Variants in NFIB observed in about 807,000 individuals in gnomAD.
NFIB encodes nuclear factor I B.
NFIB carries 11 observed loss-of-function variants against 61.5 expected under a neutral mutation model. That is an observed-to-expected ratio of 0.18 (90% confidence interval 0.11 to 0.30). NFIB has a LOEUF of 0.30. Ranked by LOEUF, NFIB falls within the 10% of genes least tolerant of loss-of-function variation. The pLI is 1.00. For missense variants in NFIB, 471 were observed against 608.9 expected, an observed-to-expected ratio of 0.77 and a Z score of 2.38; for synonymous variants, 260 against 216.5, an observed-to-expected ratio of 1.20 and a Z score of -1.76.
In NFIB at chr9:14,085,671, A is replaced by G. The variant is rs1269603726; in HGVS notation, c.*2638T>C. 5.5e-5 allele frequency: 12 copies of G among 220,176 alleles called. No individual in the cohort carries two copies. In the Admixed American group the frequency reaches 7.0e-4, roughly 13 times the overall value. The allele number at this position is 220,176 out of a possible 1,614,324, so 13.6% of individuals were successfully genotyped here. A position where few individuals can be genotyped will look rare whatever the true frequency, so the allele number is the denominator to read the frequency against. Reference sequence around the variant, plus strand: ...CAGTCCAAATACATTCAACAATAGCAACCCTCTGTTCAATCTTCTGGATAT... The same window carrying G: ...CAGTCCAAATACATTCAACAATAGCGACCCTCTGTTCAATCTTCTGGATAT... On this transcript the variant is annotated 3_prime_UTR_variant, in exon 11 of 11. Transcript: ENST00000380953.
chr9:14,438,251 G>C, the NFIB span, among the ~76,000 whole-genome samples: 3 of 152,142 alleles, frequency 2.0e-5, no homozygotes, highest in Admixed American at 6.5e-5. Context: ...TGAAAGCAGA[G>C]GAAGCCCAAG....
chr9:14,358,618 T>C (rs2061204240), intron 1 of NFIB, among the ~76,000 whole-genome samples: 3 of 152,186 alleles, frequency 2.0e-5, no homozygotes, highest in Admixed American at 6.5e-5. Context: ...ACTTTCTCCT[T>C]CTTTAGGTAG....
Position 14,295,496 on chromosome 9 carries a change from G to T in NFIB, c.562+11493C>A, listed in dbSNP as rs572616254. On this transcript the variant is annotated intron_variant, in intron 2 of 10. Coordinates refer to ENST00000380953, the MANE Select transcript of NFIB (RefSeq NM_001190737.2). ...AAAAAAAAAACTCAGCCGGGCGTGG[G>T]GAAGGGCGCCTGTAGTCCCAGCTAC... Among the ~76,000 whole-genome samples, 154 of 152,096 alleles carry T rather than the reference G, an allele frequency of 1.0e-3. 1 individual carries two copies. The East Asian group carries it at 0.014, about 14-fold the overall frequency.
intron 2 of NFIB, among the ~76,000 whole-genome samples, chr9:14,227,587 C>A (rs369395877): frequency 6.6e-6 from 1 of 152,068 alleles, no homozygotes; most frequent in Non-Finnish European, 1.5e-5. Flanking sequence ...AAATTTACAA[C>A]GGTACTGTAA....
At position 14,120,981 on chromosome 9, in the gene NFIB, G is replaced by GT. The variant is rs2038852752; in HGVS notation, c.1061-358_1061-357insA. Among the ~76,000 whole-genome samples the GT allele has an allele frequency of 6.6e-6, 1 of 152,170 alleles. No homozygotes were observed. Among genetic ancestry groups the GT allele is most frequent in the African/African-American group, 2.4e-5 (1 of 41,432 alleles). ...ATATTCTTTGATTATAAAATCTTTA[G>GT]GCCGGGTGCAGTAGCTCACACCTGT... On this transcript the variant is annotated intron_variant, in intron 7 of 10. Coordinates refer to ENST00000380953, the MANE Select transcript of NFIB (RefSeq NM_001190737.2). The surrounding 1 kb of genome is among the most constrained non-coding windows in gnomAD (Gnocchi z 4.4).
chr9:14,108,645 G>A (rs1234161060), intron 10 of NFIB, among the ~76,000 whole-genome samples: 1 of 152,024 alleles, frequency 6.6e-6, no homozygotes, highest in African/African-American at 2.4e-5. Flanking sequence ...GCAACTGTGA[G>A]AAGTAATGCA....
intron 3 of NFIB, among the ~76,000 whole-genome samples, chr9:14,162,477 G>C (rs2044313253): frequency 6.6e-6 from 1 of 151,870 alleles, no homozygotes; most frequent in African/African-American, 2.4e-5. Context: ...ATTTACTGTT[G>C]AACTGGTTGG....
At chr9:14,201,525 G>A (rs1231460445) in intron 2 of NFIB, among the ~76,000 whole-genome samples, 3 of 152,188 alleles carry the variant, frequency 2.0e-5, no homozygotes, top group African/African-American at 7.2e-5. Flanking sequence ...AATTTCGTCT[G>A]TTACAACCTT....
chr9:14,293,748 C>A lies in NFIB; in HGVS notation c.562+13241G>T, dbSNP rs1428191064. ...GAGCCACAAGTTCACAAGATATTAA[C>A]ACAAACTCCTGGATATTAGATTGAA... On this transcript the variant is annotated intron_variant, in intron 2 of 10. Transcript: ENST00000380953. 2.0e-5 allele frequency among the ~76,000 whole-genome samples: 3 copies of A among 152,158 alleles called. 1 individual carries two copies. In the East Asian group the frequency reaches 5.8e-4, roughly 29 times the overall value.
chr9:14,528,666 G>C, the NFIB span, among the ~76,000 whole-genome samples: 1 of 152,068 alleles, frequency 6.6e-6, no homozygotes, highest in Non-Finnish European at 1.5e-5. Context: ...ATGAAAGTTG[G>C]AGAAAAAAAT....
chr9:14,129,799 A>T (rs899889679), intron 6 of NFIB, among the ~76,000 whole-genome samples: 7 of 152,202 alleles, frequency 4.6e-5, no homozygotes, highest in Admixed American at 1.3e-4. Context: ...AATAATGCAT[A>T]AATATATAAT....
the NFIB span, among the ~76,000 whole-genome samples, chr9:14,462,589 G>A: frequency 1.3e-5 from 2 of 152,014 alleles, no homozygotes; most frequent in Non-Finnish European, 2.9e-5. Context: ...GCCACCGTAT[G>A]GTATTCTTGA....
At chr9:14,360,218 C>T (rs2061222517) in intron 1 of NFIB, among the ~76,000 whole-genome samples, 1 of 152,224 alleles carries the variant, frequency 6.6e-6, no homozygotes, top group African/African-American at 2.4e-5. Context: ...TTAAGCCCAA[C>T]CCTTATCTAA....
At chr9:14,175,939 T>C (rs1012171847) in intron 3 of NFIB, among the ~76,000 whole-genome samples, 5 of 152,224 alleles carry the variant, frequency 3.3e-5, no homozygotes, top group African/African-American at 9.7e-5. Context: ...GAATTCTAGA[T>C]TGCTATGTTT....
chr9:14,136,093 T>C (rs1388858024), intron 6 of NFIB, among the ~76,000 whole-genome samples: 1 of 152,142 alleles, frequency 6.6e-6, no homozygotes, highest in African/African-American at 2.4e-5. Flanking sequence ...AGCTCACAAA[T>C]GTCTTCCAGA....
the NFIB span, among the ~76,000 whole-genome samples, chr9:14,527,695 GT>G: frequency 6.6e-6 from 1 of 152,046 alleles, no homozygotes; most frequent in Non-Finnish European, 1.5e-5. Context: ...AAATTTTATA[GT>G]TTCAAATTCT....
At chr9:14,465,062 G>C in the NFIB span, among the ~76,000 whole-genome samples, 1 of 152,118 alleles carries the variant, frequency 6.6e-6, no homozygotes, top group Admixed American at 6.5e-5. Flanking sequence ...GCTTGGTTGG[G>C]AAACCAAATA....
At chr9:14,503,788 G>T in the NFIB span, among the ~76,000 whole-genome samples, 2 of 151,754 alleles carry the variant, frequency 1.3e-5, no homozygotes, top group Non-Finnish European at 2.9e-5. Flanking sequence ...CTTAACTGCT[G>T]ACTATTTCTT....
intron 3 of NFIB, among the ~76,000 whole-genome samples, chr9:14,168,195 T>A (rs181735185): frequency 1.3e-5 from 2 of 152,310 alleles, no homozygotes; most frequent in East Asian, 3.9e-4. Flanking sequence ...GGTTATTTAT[T>A]TAGTCTATTA....
Sources: allele counts gnomAD v4.1 joint callset (sites outside exome capture counted in the v4.1 genomes callset), GRCh38; gene constraint gnomAD v4.1.1; non-coding constraint Gnocchi (gnomAD v3.1); transcripts MANE v1.5; gene names NCBI Gene and HGNC (gene_info 2026-07-23, HGNC 2026-07-21).